The following GAPVD1 variants were observed in gnomAD, a reference collection of about 807,000 sequenced individuals.
GAPVD1 encodes GTPase activating protein and VPS9 domains 1.
GAPVD1 carries 35 observed loss-of-function variants against 155.5 expected under a neutral mutation model. The ratio of observed to expected loss-of-function variants is 0.23; its 90% CI spans 0.17 to 0.30. GAPVD1 has a LOEUF of 0.30. GAPVD1 is among the 10% of genes least tolerant of loss of function. The pLI is 1.00. For synonymous variants in GAPVD1, 636 were observed against 619.7 expected, an observed-to-expected ratio of 1.03 and a Z score of -0.39; for missense variants, 1,429 against 1,775.7, an observed-to-expected ratio of 0.80 and a Z score of 3.51.
At chr9:125,272,625 A>T (rs1429051946) in intron 2 of GAPVD1, among the ~76,000 whole-genome samples, 2 of 152,196 alleles carry the variant, frequency 1.3e-5, no homozygotes, top group African/African-American at 4.8e-5. Flanking sequence ...GAATTCCATA[A>T]TTCTATAGAG....
At chr9:125,334,289 A>AT (rs1211325167) in intron 15 of GAPVD1, among the ~76,000 whole-genome samples, 5 of 152,154 alleles carry the variant, frequency 3.3e-5, no homozygotes, top group African/African-American at 7.2e-5. Flanking sequence ...AAAAAAAAAA[A>AT]AAAGTTTTAC....
intron 2 of GAPVD1, among the ~76,000 whole-genome samples, chr9:125,272,117 G>A (rs1029483511): frequency 1.3e-5 from 2 of 151,858 alleles, no homozygotes; most frequent in African/African-American, 4.8e-5. Context: ...TCTGCTGCCT[G>A]AGTTCAAGCG....
rs1554791514 is a variant in GAPVD1, at chr9:125,359,507, T to C, written c.4044+15T>C. 3 of 1,276,702 alleles carry C rather than the reference T, an allele frequency of 2.3e-6. No individual in the cohort carries two copies. The South Asian group carries it at 3.6e-5, about 15-fold the overall frequency. 79.1% of individuals were successfully genotyped at this position (1,276,702 alleles called of 1,614,324 possible). A position where few individuals can be genotyped will look rare whatever the true frequency, so the allele number is the denominator to read the frequency against. ...AGATACCAGAGGTAATACAGGTTTA[T>C]ATAGCATGGGTAATGTTAACTAAAT... is the stretch of plus-strand genomic sequence containing the variant. On this transcript the variant is annotated intron_variant, in intron 26 of 27. Coordinates refer to ENST00000297933, the MANE Select transcript of GAPVD1 (RefSeq NM_001282680.3).
At chr9:125,264,401 G>A (rs897420657) in intron 1 of GAPVD1, among the ~76,000 whole-genome samples, 3 of 152,110 alleles carry the variant, frequency 2.0e-5, no homozygotes, top group African/African-American at 4.8e-5. Context: ...CACCATGTTG[G>A]TCAGGCTGGT....
intron 6 of GAPVD1, among the ~76,000 whole-genome samples, chr9:125,305,960 GTTTAAT>G (rs1841730667): frequency 6.6e-6 from 1 of 152,080 alleles, no homozygotes; most frequent in Non-Finnish European, 1.5e-5. Flanking sequence ...GTCGATAATT[GTTTAAT>G]TTTAAGTGTA....
chr9:125,286,195 C>T (rs983903023), intron 2 of GAPVD1, among the ~76,000 whole-genome samples: 2 of 152,128 alleles, frequency 1.3e-5, no homozygotes, highest in African/African-American at 2.4e-5. Context: ...CTCACTGCAA[C>T]GTCTGCCTCC....
chr9:125,324,417 C>T (rs1472734891), intron 11 of GAPVD1, among the ~76,000 whole-genome samples: 1 of 151,998 alleles, frequency 6.6e-6, no homozygotes, highest in African/African-American at 2.4e-5. Flanking sequence ...ATGGAGAAAG[C>T]CCGTCTCTAC....
intron 23 of GAPVD1, among the ~76,000 whole-genome samples, chr9:125,351,890 G>A (rs1233558887): frequency 5.9e-5 from 9 of 152,064 alleles, no homozygotes; most frequent in African/African-American, 1.4e-4. Context: ...ACAGGCATGC[G>A]CCACCACGCC....
chr9:125,329,517 G>A (rs1286607010), intron 12 of GAPVD1, among the ~76,000 whole-genome samples: 1 of 152,186 alleles, frequency 6.6e-6, no homozygotes, highest in Non-Finnish European at 1.5e-5. Flanking sequence ...GGAGGAAACT[G>A]GTGAAAAGGG....
intron 15 of GAPVD1, among the ~76,000 whole-genome samples, chr9:125,334,284 A>C (rs900799634): frequency 9.2e-5 from 14 of 152,098 alleles, no homozygotes; most frequent in African/African-American, 3.4e-4. Context: ...AAAAAAAAAA[A>C]AAAAAAAAGT....
chr9:125,286,683 G>T (rs1425607035), intron 2 of GAPVD1, among the ~76,000 whole-genome samples: 1 of 152,126 alleles, frequency 6.6e-6, no homozygotes, highest in Non-Finnish European at 1.5e-5. Context: ...ATGGTTTGGG[G>T]GCTGGGGATA....
chr9:125,263,769 C>T (rs190954045), intron 1 of GAPVD1: 498 of 953,288 alleles, frequency 5.2e-4, no homozygotes, highest in Non-Finnish European at 6.7e-4. Context: ...TCGCAGGTCA[C>T]TCACCCTCCA....
chr9:125,299,632 G>A (rs1184104847), intron 4 of GAPVD1, among the ~76,000 whole-genome samples: 1 of 151,586 alleles, frequency 6.6e-6, no homozygotes, highest in Non-Finnish European at 1.5e-5. Flanking sequence ...TCCAGCCTGG[G>A]CCATAGAGCG....
chr9:125,270,873 T>C (rs1588524622), intron 2 of GAPVD1, among the ~76,000 whole-genome samples: 1 of 151,916 alleles, frequency 6.6e-6, no homozygotes, highest in East Asian at 1.9e-4. Flanking sequence ...AACCTGGGAG[T>C]GGGAGGCAGA....
At position 125,348,185 on chromosome 9, in the gene GAPVD1, AGC is replaced by A; in HGVS notation, c.3170-1204_3170-1203del. Among the ~76,000 whole-genome samples, 4 of 152,228 alleles carry A rather than the reference AGC, an allele frequency of 2.6e-5. No homozygotes were observed. The East Asian group carries it at 7.7e-4, about 29-fold the overall frequency. ...ATCCTCCCATCTCAGCTTCCTGAGT[AGC>A]TGGGACCACAAGCACGTTCCACTGT... is the stretch of plus-strand genomic sequence containing the variant. On this transcript the variant is annotated intron_variant, in intron 20 of 27. Coordinates refer to ENST00000297933, the MANE Select transcript of GAPVD1 (RefSeq NM_001282680.3).
intron 2 of GAPVD1, among the ~76,000 whole-genome samples, chr9:125,271,714 C>T (rs894628800): frequency 6.6e-6 from 1 of 151,950 alleles, no homozygotes; most frequent in Admixed American, 6.6e-5. Context: ...CCACACCTGG[C>T]TAATTTTTGT....
chr9:125,362,711 G>A lies in GAPVD1; in HGVS notation c.4348G>A (p.Val1450Ile). Residue 1450 changes from valine (V) to isoleucine (I), a missense_variant, in exon 28 of 28, where the codon GTA becomes ATA. Physicochemically the swap from Val to Ile is conservative, Grantham distance 29 (BLOSUM62 3). This residue lies in a region of GAPVD1 where 102 missense variants were observed against 196.5 expected (regional missense o/e 0.52). Transcript: ENST00000297933. ...SYWWMQFTAA[V>I]EFIKTIDDRK ...TTGGTGGATGCAGTTCACAGCAGCAGTAGAATTCATTAAAACCATCGATGA... is the reference window on the plus strand; with the variant it reads ...TTGGTGGATGCAGTTCACAGCAGCAATAGAATTCATTAAAACCATCGATGA... 1.9e-6 allele frequency: 3 copies of A among 1,613,936 alleles called. No homozygotes were observed. The highest frequency in any genetic ancestry group is 2.2e-5 in the East Asian group (1 of 44,872).
chr9:125,345,299 G>A (rs1444424129), intron 19 of GAPVD1, among the ~76,000 whole-genome samples: 1 of 151,706 alleles, frequency 6.6e-6, no homozygotes, highest in East Asian at 1.9e-4. Flanking sequence ...TTCTGCCTCA[G>A]CCTCCCGAGT....
intron 1 of GAPVD1, chr9:125,264,052 C>T: frequency 9.6e-7 from 1 of 1,043,826 alleles, no homozygotes; most frequent in Non-Finnish European, 1.5e-6. Flanking sequence ...CCATGACTCC[C>T]TCCTTAAAAA....
Sources: gnomAD v4.1 joint callset for allele counts (sites outside exome capture counted in the v4.1 genomes callset) on GRCh38, gnomAD v4.1.1 for gene constraint, gnomAD v4.1.1 regional missense constraint, MANE v1.5 for transcripts, NCBI Gene and HGNC (gene_info 2026-07-23, HGNC 2026-07-21) for gene names.